INPP5A: variants seen among roughly 807,000 people sequenced by gnomAD.
The protein encoded by INPP5A is inositol polyphosphate-5-phosphatase A.
In INPP5A, 14 loss-of-function variants were observed where a neutral mutation model predicts 65.2. The ratio of observed to expected loss-of-function variants is 0.21; its 90% CI spans 0.14 to 0.34. INPP5A has a LOEUF of 0.34. Ranked by LOEUF, INPP5A falls within the 10% of genes least tolerant of loss-of-function variation. The pLI is 1.00. For synonymous variants in INPP5A, 207 were observed against 208.3 expected (o/e 0.99, Z 0.05); for missense variants, 431 against 545.6 (o/e 0.79, Z 2.09).
At chr10:132,614,247 C>T (rs959198148) in intron 2 of INPP5A, among the ~76,000 whole-genome samples, 1 of 152,158 alleles carries the variant, frequency 6.6e-6, no homozygotes, top group Non-Finnish European at 1.5e-5. Context: ...GGGTGGATCA[C>T]TTGAGCTCAG....
rs376779281 is a variant in INPP5A, at chr10:132,603,989, C to T, written c.76-3926C>T. ...CCCTGCGCCGTCAGGGTCCCCTCTC[C>T]GTCCCGCCCTGTGCCGTCAGGGTCC... On this transcript the variant is annotated intron_variant, in intron 1 of 15. Coordinates refer to ENST00000368594, the MANE Select transcript of INPP5A (RefSeq NM_005539.5). The surrounding 1 kb of genome is among the most constrained non-coding windows in gnomAD (Gnocchi z 4.2). Among the ~76,000 whole-genome samples, 349 of 139,186 alleles carry T rather than the reference C, an allele frequency of 2.5e-3. 3 individuals carry two copies. Among genetic ancestry groups the T allele is most frequent in the Non-Finnish European group, 3.7e-3 (233 of 63,708 alleles). 91.3% of individuals were successfully genotyped at this position (139,186 alleles called of 152,430 possible).
chr10:132,643,606 A>G (rs2072455107), intron 2 of INPP5A, among the ~76,000 whole-genome samples: 1 of 152,232 alleles, frequency 6.6e-6, no homozygotes, highest in South Asian at 2.1e-4. Flanking sequence ...CCTAGCAGGA[A>G]TGGTGAAGGG....
At chr10:132,709,522 CAG>C (rs1280915585) in intron 7 of INPP5A, among the ~76,000 whole-genome samples, 2 of 152,110 alleles carry the variant, frequency 1.3e-5, no homozygotes, top group Non-Finnish European at 2.9e-5. Flanking sequence ...CTGTTGGTCA[CAG>C]GGAACAGCCT....
intron 1 of INPP5A, among the ~76,000 whole-genome samples, chr10:132,570,341 G>C (rs2071325915): frequency 6.6e-6 from 1 of 152,228 alleles, no homozygotes; most frequent in African/African-American, 2.4e-5. Context: ...TAGCCCTTCT[G>C]TGGATGCCCC....
chr10:132,733,541 A>G (rs1447479274), intron 9 of INPP5A, among the ~76,000 whole-genome samples: 2 of 152,236 alleles, frequency 1.3e-5, no homozygotes, highest in South Asian at 2.1e-4. Flanking sequence ...GCTAGTTGGC[A>G]TGGCATGGTT....
intron 2 of INPP5A, among the ~76,000 whole-genome samples, chr10:132,631,991 C>A (rs1040697879): frequency 6.6e-6 from 1 of 152,184 alleles, no homozygotes; most frequent in African/African-American, 2.4e-5. Context: ...TCACTCAGGG[C>A]GTGAAGTGCT....
chr10:132,761,890 A>G (rs1846740037), intron 11 of INPP5A, among the ~76,000 whole-genome samples: 1 of 152,268 alleles, frequency 6.6e-6, no homozygotes, highest in South Asian at 2.1e-4. Context: ...GATACAAATT[A>G]TAATATTGTA....
chr10:132,679,735 G>C (rs1357899445), intron 4 of INPP5A, among the ~76,000 whole-genome samples: 2 of 152,200 alleles, frequency 1.3e-5, no homozygotes, highest in Non-Finnish European at 2.9e-5. Context: ...GTTCACAGAA[G>C]AAACTTAAAT....
chr10:132,541,174 C>T (rs780521588), intron 1 of INPP5A, among the ~76,000 whole-genome samples: 67 of 152,280 alleles, frequency 4.4e-4, no homozygotes, highest in Non-Finnish European at 6.0e-4. Flanking sequence ...GACCAGGTTT[C>T]GCCGTGTTGT....
chr10:132,551,310 T>G lies in INPP5A; in HGVS notation c.75+13139T>G, dbSNP rs937681634. ...AGCCTGCGAGTGTGAAGCTGAGAACTGGGTTGACTGCCTGCTGCTTTGTTT... is the reference window on the plus strand; with the variant it reads ...AGCCTGCGAGTGTGAAGCTGAGAACGGGGTTGACTGCCTGCTGCTTTGTTT... On this transcript the variant is annotated intron_variant, in intron 1 of 15. Coordinates refer to ENST00000368594, the MANE Select transcript of INPP5A (RefSeq NM_005539.5). This position sits in a 1 kb window ranked among gnomAD's most constrained non-coding sequence, Gnocchi z 5.3. 1.3e-5 allele frequency among the ~76,000 whole-genome samples: 2 copies of G among 152,176 alleles called. No homozygotes were observed. Among genetic ancestry groups the G allele is most frequent in the Admixed American group, 1.3e-4 (2 of 15,278 alleles).
intron 8 of INPP5A, among the ~76,000 whole-genome samples, chr10:132,711,985 A>G (rs1217178200): frequency 1.3e-5 from 2 of 152,144 alleles, no homozygotes; most frequent in African/African-American, 4.8e-5. Flanking sequence ...CCCCAGAGTC[A>G]TGTGTGGTAT....
chr10:132,738,000 A>G (rs1207173518), intron 9 of INPP5A, among the ~76,000 whole-genome samples: 1 of 152,202 alleles, frequency 6.6e-6, no homozygotes, highest in Non-Finnish European at 1.5e-5. Context: ...TTCTCATTTT[A>G]TAGAAAAAGA....
intron 2 of INPP5A, among the ~76,000 whole-genome samples, chr10:132,636,169 G>GTGTGTT: frequency 6.6e-6 from 1 of 151,674 alleles, no homozygotes; most frequent in South Asian, 2.1e-4. Flanking sequence ...CAAAATGTGT[G>GTGTGTT]TGTGTGTGTG....
At chr10:132,703,013 C>A (rs925104615) in intron 6 of INPP5A, among the ~76,000 whole-genome samples, 2 of 151,082 alleles carry the variant, frequency 1.3e-5, no homozygotes, top group East Asian at 2.0e-4. Flanking sequence ...GGCTCCCTGC[C>A]GAGCCCACAC....
At position 132,741,226 on chromosome 10, in the gene INPP5A, A is replaced by G. The variant is rs1052783417; in HGVS notation, c.733-8291A>G. On this transcript the variant is annotated intron_variant, in intron 9 of 15. Transcript: ENST00000368594. This position sits in a 1 kb window ranked among gnomAD's most constrained non-coding sequence, Gnocchi z 4.4. ...ACTCCATCCTGGCCAACAGAGGAGG[A>G]CCCTGTCTCAAAAACCTAAAAATAG... 3.3e-5 allele frequency among the ~76,000 whole-genome samples: 5 copies of G among 152,082 alleles called. No individual in the cohort carries two copies. Among genetic ancestry groups the G allele is most frequent in the Non-Finnish European group, 5.9e-5 (4 of 68,026 alleles).
rs745955341 is a variant in INPP5A, at chr10:132,708,383, T to C, written c.527+18T>C. 6.2e-7 allele frequency: 1 copy of C among 1,611,914 alleles called. No individual in the cohort carries two copies. The highest frequency in any genetic ancestry group is 1.7e-5 in the Admixed American group (1 of 60,018). The stretch of plus-strand genomic sequence containing the variant: ...GCAGACTGGTACGTGGTGTCTGTGC[T>C]TTGTCAATTTCCATAACGTTTCTTA... On this transcript the variant is annotated intron_variant, in intron 7 of 15. Coordinates refer to ENST00000368594, the MANE Select transcript of INPP5A (RefSeq NM_005539.5).
In INPP5A at chr10:132,712,937, GGTGTGGGC is replaced by G. The variant is rs532974497; in HGVS notation, c.647+2489_647+2496del. On this transcript the variant is annotated intron_variant, in intron 8 of 15. Transcript: ENST00000368594. ...ATGTGTGTGGGTGTGTGCATGCATG[GGTGTGGGC>G]GTGTGGGTGTGTGGGTGCATGTGGA... Among the ~76,000 whole-genome samples, 446 of 137,068 alleles carry G rather than the reference GGTGTGGGC, an allele frequency of 3.3e-3. 4 individuals are homozygous for G. Among genetic ancestry groups the G allele is most frequent in the Admixed American group, 0.017 (232 of 13,936 alleles). 89.9% of individuals were successfully genotyped at this position (137,068 alleles called of 152,430 possible).
intron 4 of INPP5A, among the ~76,000 whole-genome samples, chr10:132,677,922 T>C (rs535377106): frequency 6.6e-6 from 1 of 152,348 alleles, no homozygotes; most frequent in South Asian, 2.1e-4. Context: ...TATCATTAGC[T>C]TTGTAAAGTG....
intron 9 of INPP5A, among the ~76,000 whole-genome samples, chr10:132,737,462 CTAA>C (rs1846198679): frequency 6.6e-6 from 1 of 152,146 alleles, no homozygotes; most frequent in African/African-American, 2.4e-5. Context: ...CTGCCGTGGA[CTAA>C]TGTTAGTCAT....
Sources: allele counts gnomAD v4.1 joint callset (sites outside exome capture counted in the v4.1 genomes callset), GRCh38; gene constraint gnomAD v4.1.1; non-coding constraint Gnocchi (gnomAD v3.1); transcripts MANE v1.5; gene names NCBI Gene and HGNC (gene_info 2026-07-23, HGNC 2026-07-21).